The following EML6 variants were observed in gnomAD, a reference collection of about 807,000 sequenced individuals.
EML6 encodes EMAP like 6, also known as echinoderm microtubule-associated protein-like 6.
A neutral mutation model predicts 240.1 loss-of-function variants in EML6; 154 were observed. That is an observed-to-expected ratio of 0.64 (90% CI 0.56 to 0.73). The LOEUF is 0.73. Among genes scored for constraint, EML6 ranks in the 30% least tolerant of loss-of-function variants. The pLI, the probability that EML6 is intolerant of heterozygous loss-of-function variation, is 0.00. For synonymous variants in EML6, 1,148 were observed against 899.0 expected (o/e 1.28, Z -4.95); for missense variants, 2,964 against 2,474.6 (o/e 1.20, Z -4.20).
chr2:54,921,750 A>G (rs535691646), intron 26 of EML6, among the ~76,000 whole-genome samples: 2 of 152,288 alleles, frequency 1.3e-5, no homozygotes, highest in African/African-American at 4.8e-5. Context: ...ATGAAACAGA[A>G]TAAAGATGCC....
At chr2:54,967,844 A>G (rs986815040) in intron 39 of EML6, among the ~76,000 whole-genome samples, 2 of 152,190 alleles carry the variant, frequency 1.3e-5, no homozygotes, top group Non-Finnish European at 2.9e-5. Context: ...GATCCCTCGC[A>G]TGCTTAGTTC....
intron 29 of EML6, among the ~76,000 whole-genome samples, chr2:54,949,784 A>C (rs546252737): frequency 2.0e-5 from 3 of 152,322 alleles, no homozygotes; most frequent in African/African-American, 4.8e-5. Flanking sequence ...ACCACAGTGC[A>C]AATCTCTGGC....
chr2:54,745,919 A>C (rs1683891225), intron 2 of EML6, among the ~76,000 whole-genome samples: 1 of 152,226 alleles, frequency 6.6e-6, no homozygotes, highest in African/African-American at 2.4e-5. Flanking sequence ...ATTGTAAACC[A>C]AGGGAGGAGC....
At chr2:54,925,657 C>T (rs1455304252) in intron 26 of EML6, among the ~76,000 whole-genome samples, 2 of 152,178 alleles carry the variant, frequency 1.3e-5, no homozygotes, top group Admixed American at 1.3e-4. Context: ...ATCATTAGTG[C>T]CCTGACAGCC....
intron 37 of EML6, among the ~76,000 whole-genome samples, 176 bp from the exon 38 acceptor site, chr2:54,964,395 C>T (rs1168719529): frequency 2.0e-5 from 3 of 152,214 alleles, no homozygotes; most frequent in East Asian, 1.9e-4. Flanking sequence ...CCCGGGGATT[C>T]GATCCAGATA....
intron 38 of EML6, among the ~76,000 whole-genome samples, chr2:54,966,460 T>A (rs1010404868): frequency 6.6e-6 from 1 of 152,208 alleles, no homozygotes; most frequent in Admixed American, 6.5e-5. Context: ...GGAAAAATGG[T>A]CTGTTTCCTT....
chr2:54,832,820 C>G (rs1668948996), intron 7 of EML6, among the ~76,000 whole-genome samples: 1 of 152,022 alleles, frequency 6.6e-6, no homozygotes, highest in Non-Finnish European at 1.5e-5. Context: ...TCAAACAAAC[C>G]AAGTATATTC....
intron 16 of EML6, among the ~76,000 whole-genome samples, chr2:54,872,774 G>T (rs1408302104): frequency 6.6e-6 from 1 of 152,212 alleles, no homozygotes; most frequent in African/African-American, 2.4e-5. Context: ...CTGTTCTCAT[G>T]TGTCTTTTCA....
At chr2:54,892,684 T>G in intron 19 of EML6, 28 bp downstream of exon 19, 1 of 1,520,106 alleles carries the variant, frequency 6.6e-7, no homozygotes, top group Non-Finnish European at 8.9e-7. Context: ...GCATTCATTT[T>G]CCTCATCAGC....
intron 32 of EML6, among the ~76,000 whole-genome samples, chr2:54,954,968 A>G (rs949647708): frequency 1.3e-5 from 2 of 152,152 alleles, no homozygotes; most frequent in African/African-American, 2.4e-5. Context: ...GCATCTTCCC[A>G]TGGAGGGGGT....
intron 7 of EML6, among the ~76,000 whole-genome samples, chr2:54,835,872 G>A (rs1669113533): frequency 1.3e-5 from 2 of 152,294 alleles, no homozygotes; most frequent in South Asian, 4.1e-4. Context: ...AATGTTGATA[G>A]TGTTGTTGTT....
At chr2:54,963,965 C>T (rs1400490389) in intron 36 of EML6, 21 bp from the exon 37 acceptor site, 1 of 1,540,664 alleles carries the variant, frequency 6.5e-7, no homozygotes, top group Admixed American at 2.0e-5. Flanking sequence ...GCTCAGGTGA[C>T]TTTCCTTTGC....
chr2:54,867,093 A>C (rs750613995), intron 14 of EML6: 6 of 388,172 alleles, frequency 1.5e-5, no homozygotes, highest in Non-Finnish European at 2.4e-5. Context: ...TGGCCATCAC[A>C]GTGTGATTGT....
intron 28 of EML6, among the ~76,000 whole-genome samples, chr2:54,931,158 C>T (rs867939569): frequency 4.2e-4 from 64 of 151,968 alleles, no homozygotes; most frequent in African/African-American, 1.4e-3. Context: ...GGGGTTTCAC[C>T]GTGTTAGCCA....
At chr2:54,952,845 A>G (rs150862019) in intron 31 of EML6, among the ~76,000 whole-genome samples, 153 bp downstream of exon 31, 303 of 152,202 alleles carry the variant, frequency 2.0e-3, no homozygotes, top group African/African-American at 6.9e-3. Context: ...TATCTGTGTC[A>G]CCTGCGTTGA....
intron 2 of EML6, among the ~76,000 whole-genome samples, chr2:54,750,160 G>A (rs923355826): frequency 3.9e-5 from 6 of 152,192 alleles, no homozygotes; most frequent in Non-Finnish European, 7.3e-5. Flanking sequence ...TGGCCTGGCT[G>A]CCCAGCCTGA....
chr2:54,868,267 G>A (rs1210070322), intron 14 of EML6: 1 of 151,960 alleles, frequency 6.6e-6, no homozygotes, highest in African/African-American at 2.4e-5. Context: ...TTGAATTATA[G>A]TTATTAGTAA....
chr2:54,728,447 C>T (rs1683005795), intron 2 of EML6, among the ~76,000 whole-genome samples: 1 of 152,200 alleles, frequency 6.6e-6, no homozygotes, highest in African/African-American at 2.4e-5. Flanking sequence ...CGTTTTCCGG[C>T]TCCCATTTGC....
intron 30 of EML6, among the ~76,000 whole-genome samples, chr2:54,951,563 TACTC>T (rs1025287283): frequency 1.2e-4 from 17 of 141,636 alleles, no homozygotes; most frequent in South Asian, 6.7e-4. Context: ...AAAAAAAAAA[TACTC>T]AAACCACATG....
Sources: allele counts gnomAD v4.1 joint callset (sites outside exome capture counted in the v4.1 genomes callset), GRCh38; gene constraint gnomAD v4.1.1; transcripts MANE v1.5; gene names NCBI Gene and HGNC (gene_info 2026-07-23, HGNC 2026-07-21).